RETREG1: variants seen among roughly 807,000 people sequenced by gnomAD.
RETREG1 encodes family with sequence similarity 134 member B.
Under a neutral mutation model 54.8 loss-of-function variants are expected in RETREG1, and 44 were observed. That is an observed-to-expected ratio of 0.80 (90% CI 0.63 to 1.03). The LOEUF is 1.03. Among genes scored for constraint, RETREG1 ranks in the 50% least tolerant of loss-of-function variants. The probability of loss-of-function intolerance (pLI) is 0.00; values close to 1 mark genes in which losing one functional copy is unlikely to be tolerated. For missense variants in RETREG1, 554 were observed against 605.1 expected, an observed-to-expected ratio of 0.92 and a Z score of 0.89; for synonymous variants, 217 against 238.5, an observed-to-expected ratio of 0.91 and a Z score of 0.83.
chr5:16,550,287 AG>A (rs1741497920), intron 3 of RETREG1, among the ~76,000 whole-genome samples: 1 of 148,078 alleles, frequency 6.8e-6, no homozygotes, highest in Non-Finnish European at 1.5e-5. Context: ...AAAAAAAAAA[AG>A]CGTTAAAGGA....
chr5:16,522,129 G>C (rs753562486), intron 3 of RETREG1, among the ~76,000 whole-genome samples: 4 of 152,012 alleles, frequency 2.6e-5, no homozygotes, highest in Non-Finnish European at 4.4e-5. Flanking sequence ...ACCACCCTGT[G>C]GTATCTAGGC....
chr5:16,540,976 G>C (rs762365614), intron 3 of RETREG1, among the ~76,000 whole-genome samples: 1 of 152,152 alleles, frequency 6.6e-6, no homozygotes, highest in African/African-American at 2.4e-5. Flanking sequence ...TACTTATTAC[G>C]CACCAGCACC....
At chr5:16,570,185 T>G (rs1742135594) in intron 2 of RETREG1, among the ~76,000 whole-genome samples, 1 of 152,264 alleles carries the variant, frequency 6.6e-6, no homozygotes, top group African/African-American at 2.4e-5. Flanking sequence ...TGGAATGAAC[T>G]AGCTCAAAAA....
intron 3 of RETREG1, among the ~76,000 whole-genome samples, chr5:16,543,889 G>A (rs575012534): frequency 2.6e-5 from 4 of 151,550 alleles, no homozygotes; most frequent in Admixed American, 6.6e-5. Flanking sequence ...ATGATGTTGA[G>A]CATCTTTTTA....
At chr5:16,573,180 CAAAAA>C (rs11303408) in intron 1 of RETREG1, among the ~76,000 whole-genome samples, 1,010 of 45,026 alleles carry the variant, frequency 0.022, no homozygotes, top group Non-Finnish European at 0.034. Flanking sequence ...GATTCTGTCT[CAAAAA>C]AAAAAAAAAA....
intron 1 of RETREG1, among the ~76,000 whole-genome samples, chr5:16,578,025 CT>C (rs1742381977): frequency 6.6e-6 from 1 of 152,046 alleles, no homozygotes; most frequent in Non-Finnish European, 1.5e-5. Flanking sequence ...CCTTTTTTTC[CT>C]GTTATTATGA....
intron 1 of RETREG1, among the ~76,000 whole-genome samples, chr5:16,575,331 C>G (rs1447273239): frequency 1.3e-5 from 2 of 152,128 alleles, no homozygotes; most frequent in Non-Finnish European, 2.9e-5. Context: ...TGCAAATGTT[C>G]GAACAGCATG....
At chr5:16,577,284 GGTTT>G (rs1412164673) in intron 1 of RETREG1, among the ~76,000 whole-genome samples, 45 of 130,688 alleles carry the variant, frequency 3.4e-4, no homozygotes, top group Non-Finnish European at 2.6e-4. Flanking sequence ...ATAAGACTTA[GGTTT>G]GTTTTTTTTT....
Position 16,555,441 on chromosome 5 carries a change from C to G in RETREG1, c.458+10322G>C, listed in dbSNP as rs532665346. On this transcript the variant is annotated intron_variant, in intron 3 of 8. Coordinates refer to ENST00000306320, the MANE Select transcript of RETREG1 (RefSeq NM_001034850.3). Reference sequence around the variant, plus strand: ...TGCTGGGGATACAAGCGTGAGCCACCACACTTGGCCTGTTTTTACATTTTT... The same window carrying G: ...TGCTGGGGATACAAGCGTGAGCCACGACACTTGGCCTGTTTTTACATTTTT... 6.6e-5 allele frequency among the ~76,000 whole-genome samples: 10 copies of G among 152,320 alleles called. No homozygotes were observed. In the South Asian group the frequency reaches 1.2e-3, roughly 19 times the overall value.
chr5:16,528,584 G>C (rs1171471426), intron 3 of RETREG1, among the ~76,000 whole-genome samples: 1 of 152,140 alleles, frequency 6.6e-6, no homozygotes, highest in Non-Finnish European at 1.5e-5. Flanking sequence ...ATAGCAGGGG[G>C]TTCTGAGACA....
chr5:16,528,572 T>G (rs116782641), intron 3 of RETREG1, among the ~76,000 whole-genome samples: 1 of 152,028 alleles, frequency 6.6e-6, no homozygotes, highest in African/African-American at 2.4e-5. Context: ...CTGTCCCAGG[T>G]GATAGCAGGG....
intron 1 of RETREG1, among the ~76,000 whole-genome samples, chr5:16,592,107 C>T (rs796668314): frequency 4.4e-4 from 67 of 152,264 alleles, no homozygotes; most frequent in Admixed American, 1.1e-3. Context: ...GAAATGCCCT[C>T]GGTCGAGCCA....
At chr5:16,517,113 AT>A (rs1369127751) in intron 3 of RETREG1, among the ~76,000 whole-genome samples, 5 of 152,016 alleles carry the variant, frequency 3.3e-5, no homozygotes, top group African/African-American at 1.2e-4. Flanking sequence ...AGGAAGATAT[AT>A]CTAACAGGAG....
chr5:16,474,669 C>CTTTTTTTTTTTTTTTTTTTT lies in RETREG1; in HGVS notation c.*71_*72insAAAAAAAAAAAAAAAAAAAA. The stretch of plus-strand genomic sequence containing the variant: ...CTTACAGTTCAATTTTTTTCTTTTC[C>CTTTTTTTTTTTTTTTTTTTT]TTTTTTTTTTTTTTTTCTTGTTTGA... On this transcript the variant is annotated 3_prime_UTR_variant, in exon 9 of 9. Coordinates refer to ENST00000306320, the MANE Select transcript of RETREG1 (RefSeq NM_001034850.3). 1 of 1,264,832 alleles carries CTTTTTTTTTTTTTTTTTTTT rather than the reference C, an allele frequency of 7.9e-7. No homozygotes were observed. The allele number at this position is 1,264,832 out of a possible 1,614,324, so 78.4% of individuals were successfully genotyped here.
In RETREG1 at chr5:16,532,940, G is replaced by A. The variant is rs16868755; in HGVS notation, c.458+32823C>T. On this transcript the variant is annotated intron_variant, in intron 3 of 8. Transcript: ENST00000306320. ...TGAATTCATTACATGTGACACTTCA[G>A]AAAGATCTGAAGAAAACCCTAGGTA... 6.1e-3 allele frequency among the ~76,000 whole-genome samples: 928 copies of A among 152,332 alleles called. 7 individuals carry two copies. The highest frequency in any genetic ancestry group is 0.022 in the African/African-American group (895 of 41,576).
chr5:16,495,800 C>CA (rs150429253), intron 3 of RETREG1, among the ~76,000 whole-genome samples: 73,580 of 144,790 alleles, frequency 0.51, 18,508 homozygotes, highest in Admixed American at 0.66. Context: ...GACTCTGTCT[C>CA]AAAAAAAAAA....
intron 1 of RETREG1, among the ~76,000 whole-genome samples, chr5:16,582,675 A>AC (rs892200126): frequency 2.0e-4 from 28 of 142,868 alleles, no homozygotes; most frequent in African/African-American, 6.4e-4. Flanking sequence ...AAAAAAAAAA[A>AC]CGGCCTGGGT....
rs1409034032 is a variant in RETREG1, at chr5:16,597,808, T to C, written c.320+18844A>G. On this transcript the variant is annotated intron_variant, in intron 1 of 8. Transcript: ENST00000306320. The surrounding 1 kb of genome is among the most constrained non-coding windows in gnomAD (Gnocchi z 4.3). ...GGGTTGTTTGTAATGGCCCGTCAGT[T>C]CTCCAGGCCTGAAAGAGGTCCCAGT... Among the ~76,000 whole-genome samples, 1 of 152,020 alleles carries C rather than the reference T, an allele frequency of 6.6e-6. No homozygotes were observed. The highest frequency in any genetic ancestry group is 1.9e-4 in the East Asian group (1 of 5,172).
At chr5:16,498,067 C>T (rs1385958182) in intron 3 of RETREG1, among the ~76,000 whole-genome samples, 1 of 152,230 alleles carries the variant, frequency 6.6e-6, no homozygotes, top group Non-Finnish European at 1.5e-5. Flanking sequence ...AAGTCTATCT[C>T]AAAGTCTTCC....
Sources: gnomAD v4.1 joint callset for allele counts (sites outside exome capture counted in the v4.1 genomes callset) on GRCh38, gnomAD v4.1.1 for gene constraint, Gnocchi (gnomAD v3.1) non-coding constraint, MANE v1.5 for transcripts, NCBI Gene and HGNC (gene_info 2026-07-23, HGNC 2026-07-21) for gene names.